Variants in ASIC1 observed in about 807,000 individuals in gnomAD.
ASIC1 encodes acid sensing ion channel subunit 1.
In ASIC1, 21 loss-of-function variants were observed where a neutral mutation model predicts 63.4. The ratio of observed to expected loss-of-function variants is 0.33; its 90% CI spans 0.23 to 0.48. The LOEUF (loss-of-function observed/expected upper bound fraction) is 0.48, where lower values mean the gene tolerates loss of function less well. Ranked by LOEUF, ASIC1 falls within the 20% of genes least tolerant of loss-of-function variation. The pLI is 0.99. For missense variants in ASIC1, 478 were observed against 695.5 expected (o/e 0.69, Z 3.52); for synonymous variants, 258 against 278.2 (o/e 0.93, Z 0.72).
At chr12:50,068,388 T>C (rs1950566131) in intron 3 of ASIC1, among the ~76,000 whole-genome samples, 1 of 152,230 alleles carries the variant, frequency 6.6e-6, no homozygotes, top group South Asian at 2.1e-4. Context: ...CATGACTAGC[T>C]ATGGAGCTAT....
At chr12:50,070,363 T>A (rs1479349023) in intron 3 of ASIC1, among the ~76,000 whole-genome samples, 2 of 151,710 alleles carry the variant, frequency 1.3e-5, no homozygotes, top group Non-Finnish European at 2.9e-5. Context: ...TGGGTGTGTG[T>A]GTGTGTTGGG....
At position 50,074,858 on chromosome 12, in the gene ASIC1, C is replaced by CTGTG. The variant is rs1392742315; in HGVS notation, c.559-2354_559-2353insGTGT. On this transcript the variant is annotated intron_variant, in intron 3 of 11. Transcript: ENST00000447966. The surrounding 1 kb of genome is among the most constrained non-coding windows in gnomAD (Gnocchi z 4.2). ...CCTATGGACGCCCCACCCCCACCAG[C>CTGTG]TCTGTGTGTGTGTGTGTGTGTGTGT... Among the ~76,000 whole-genome samples, 48 of 127,276 alleles carry CTGTG rather than the reference C, an allele frequency of 3.8e-4. No homozygotes were observed. The highest frequency in any genetic ancestry group is 1.5e-3 in the African/African-American group (48 of 32,258). The allele number at this position is 127,276 out of a possible 152,430, so 83.5% of individuals were successfully genotyped here.
In ASIC1 at chr12:50,078,329, A is replaced by T. The variant is rs898257458; in HGVS notation, c.838-92A>T. 4.5e-6 allele frequency: 7 copies of T among 1,545,096 alleles called. No homozygotes were observed. The highest frequency in any genetic ancestry group is 6.2e-6 in the Non-Finnish European group (7 of 1,134,556). ...GGCTGCAGAGGGAGAGGGGAGCAGA[A>T]CTCCAGAGATCTGCATCTTGTCAGA... On this transcript the variant is annotated intron_variant, in intron 5 of 11. Coordinates refer to ENST00000447966, the MANE Select transcript of ASIC1 (RefSeq NM_001095.4). This position sits in a 1 kb window ranked among gnomAD's most constrained non-coding sequence, Gnocchi z 6.0.
At chr12:50,061,226 T>G (rs570840083) in intron 3 of ASIC1, among the ~76,000 whole-genome samples, 1 of 152,288 alleles carries the variant, frequency 6.6e-6, no homozygotes, top group South Asian at 2.1e-4. Context: ...GAATATGAAC[T>G]GTATTTGTGC....
At position 50,078,492 on chromosome 12, in the gene ASIC1, C is replaced by T; in HGVS notation, c.909C>T (p.Asp303=). The part of the protein sequence containing the change: ...VTMDSDLDFF[D]SYSITACRID... ...TGGACTCGGATTTGGATTTCTTCGA[C>T]TCCTACAGCATCACTGCCTGCCGCA... The change falls in exon 6 of 12, where the codon GAC becomes GAT. Residue 303 remains aspartate, a synonymous_variant. Transcript: ENST00000447966. This position sits in a 1 kb window ranked among gnomAD's most constrained non-coding sequence, Gnocchi z 6.0. 1 of 1,614,118 alleles carries T rather than the reference C, an allele frequency of 6.2e-7. No homozygotes were observed. The highest frequency in any genetic ancestry group is 1.1e-5 in the South Asian group (1 of 91,076).
intron 8 of ASIC1, 147 bp from the exon 9 acceptor site, chr12:50,080,351 A>G (rs1227828363): frequency 3.5e-6 from 3 of 846,132 alleles, no homozygotes; most frequent in Non-Finnish European, 5.7e-6. Flanking sequence ...ATCTCATTTA[A>G]TCCTAAAAGG....
At chr12:50,071,014 A>G (rs1417513593) in intron 3 of ASIC1, 1 of 152,292 alleles carries the variant, frequency 6.6e-6, no homozygotes, top group Non-Finnish European at 1.5e-5. Flanking sequence ...GCTCTCGGTC[A>G]TTACTCATAG....
chr12:50,077,856 G>T (rs1950672962), intron 4 of ASIC1, 144 bp from the exon 5 acceptor site: 5 of 1,197,286 alleles, frequency 4.2e-6, no homozygotes, highest in Non-Finnish European at 5.8e-6. Flanking sequence ...GAGGCTAGGG[G>T]GTGGGCTAGG....
intron 1 of ASIC1, 30 bp from the exon 2 acceptor site, chr12:50,058,721 A>G: frequency 6.5e-7 from 1 of 1,544,100 alleles, no homozygotes; most frequent in East Asian, 2.3e-5. Flanking sequence ...TCCCAGGACA[A>G]TGATAGACTG....
In ASIC1 at chr12:50,059,320, G is replaced by A. The variant is rs1950478887; in HGVS notation, c.362+192G>A. ...ACCCAGTTAAGGGCACCCAGCCTCC[G>A]ATCCCAGCATAGTCCAGAACAGCTC... On this transcript the variant is annotated intron_variant, in intron 2 of 11. Transcript: ENST00000447966. This position sits in a 1 kb window ranked among gnomAD's most constrained non-coding sequence, Gnocchi z 4.6. Among the ~76,000 whole-genome samples, 3 of 151,304 alleles carry A rather than the reference G, an allele frequency of 2.0e-5. No individual in the cohort carries two copies. The highest frequency in any genetic ancestry group is 4.9e-5 in the African/African-American group (2 of 41,210).
rs1425975728 is a variant in ASIC1 at position 50,059,952 on chromosome 12, G to A, written c.556G>A (p.Val186Met). The change falls in exon 3 of 12, where the codon GTG (valine) becomes ATG (methionine). Residue 186 changes from valine (V) to methionine (M), a missense_variant and splice_region_variant. Transcript: ENST00000447966. The surrounding 1 kb of genome is among the most constrained non-coding windows in gnomAD (Gnocchi z 4.6). Reference sequence around the variant, plus strand: ...GGTCTGCAGCGCTGAAGACTTCAAGGTGGTGAGTCCCCTCGTGTGGGGTGT... The same window carrying A: ...GGTCTGCAGCGCTGAAGACTTCAAGATGGTGAGTCCCCTCGTGTGGGGTGT... ...GEVCSAEDFKVVFTRYGKCYT... is the reference protein window; with the variant it reads ...GEVCSAEDFKMVFTRYGKCYT... The A allele has an allele frequency of 1.2e-6, 2 of 1,613,684 alleles. No homozygotes were observed. The highest frequency in any genetic ancestry group is 1.7e-6 in the Non-Finnish European group (2 of 1,179,908).
In ASIC1 at chr12:50,081,891, C is replaced by G; in HGVS notation, c.*242C>G. The G allele has an allele frequency of 1.9e-6, 1 of 528,358 alleles. No homozygotes were observed. The highest frequency in any genetic ancestry group is 3.4e-6 in the Non-Finnish European group (1 of 295,660). 32.7% of individuals were successfully genotyped at this position (528,358 alleles called of 1,614,324 possible). ...AAAAAGGGAGAACGGGGCAAGGGAC[C>G]TCAGGCTGCCCCTCTCTCCTCCATG... On this transcript the variant is annotated 3_prime_UTR_variant, in exon 12 of 12. Transcript: ENST00000447966.
At position 50,081,297 on chromosome 12, in the gene ASIC1, A is replaced by G; in HGVS notation, c.1415A>G (p.Gln472Arg). 1 of 1,610,994 alleles carries G rather than the reference A, an allele frequency of 6.2e-7. No individual in the cohort carries two copies. The change falls in exon 11 of 12, where the codon CAG becomes CGG. Residue 472 changes from glutamine (Q) to arginine (R), a missense_variant. Gln to Arg is a conservative substitution (Grantham distance 43). Transcript: ENST00000447966. ...KHKLCRRGKCQKEAKRSSADK... is the reference protein window; with the variant it reads ...KHKLCRRGKCRKEAKRSSADK... ...AAGCTGTGCCGACGAGGAAAATGCC[A>G]GAAGGAGGCCAAAAGGAGCAGTGCG...
chr12:50,070,122 A>G (rs1950584242), intron 3 of ASIC1, among the ~76,000 whole-genome samples: 1 of 152,200 alleles, frequency 6.6e-6, no homozygotes, highest in Admixed American at 6.5e-5. Flanking sequence ...ACACTGCTAA[A>G]GAGAAGGTCT....
At chr12:50,079,594 G>A (rs7305558) in intron 7 of ASIC1, among the ~76,000 whole-genome samples, 41,745 of 152,006 alleles carry the variant, frequency 0.27, 6,608 homozygotes, top group East Asian at 0.77. Context: ...GAGGCTTGGT[G>A]AGAATTAGCA....
Position 50,059,964 on chromosome 12 carries a change from C to A in ASIC1, c.558+10C>A. On this transcript the variant is annotated intron_variant, in intron 3 of 11. Coordinates refer to ENST00000447966, the MANE Select transcript of ASIC1 (RefSeq NM_001095.4). This position sits in a 1 kb window ranked among gnomAD's most constrained non-coding sequence, Gnocchi z 4.6. Reference sequence around the variant, plus strand: ...TGAAGACTTCAAGGTGGTGAGTCCCCTCGTGTGGGGTGTGAGTCAGCCTGG... The same window carrying A: ...TGAAGACTTCAAGGTGGTGAGTCCCATCGTGTGGGGTGTGAGTCAGCCTGG... 1 of 1,612,844 alleles carries A rather than the reference C, an allele frequency of 6.2e-7. No homozygotes were observed. Among genetic ancestry groups the A allele is most frequent in the Non-Finnish European group, 8.5e-7 (1 of 1,179,452 alleles).
At chr12:50,079,874 C>A in intron 7 of ASIC1, 28 bp from the exon 8 acceptor site, 1 of 1,580,536 alleles carries the variant, frequency 6.3e-7, no homozygotes. Context: ...CACCACTCAA[C>A]TGAGACCTCT....
chr12:50,060,238 C>T (rs1437124995), intron 3 of ASIC1, among the ~76,000 whole-genome samples: 2 of 152,220 alleles, frequency 1.3e-5, no homozygotes, highest in African/African-American at 4.8e-5. Context: ...GGCATAGCCA[C>T]AAACCCACCA....
intron 3 of ASIC1, among the ~76,000 whole-genome samples, chr12:50,062,898 G>A (rs1378423720): frequency 6.6e-6 from 1 of 152,208 alleles, no homozygotes; most frequent in Non-Finnish European, 1.5e-5. Flanking sequence ...AGTCAGCTTG[G>A]GAGGGTGGGG....
Sources: allele counts gnomAD v4.1 joint callset (sites outside exome capture counted in the v4.1 genomes callset), GRCh38; gene constraint gnomAD v4.1.1; non-coding constraint Gnocchi (gnomAD v3.1); transcripts MANE v1.5; gene names NCBI Gene and HGNC (gene_info 2026-07-23, HGNC 2026-07-21).